Variants in CGNL1 observed in about 807,000 individuals in gnomAD.
CGNL1 encodes cingulin-like protein 1.
CGNL1 carries 132 observed loss-of-function variants against 141.2 expected under a neutral mutation model. The ratio of observed to expected loss-of-function variants is 0.93; its 90% CI spans 0.81 to 1.08. The LOEUF (loss-of-function observed/expected upper bound fraction) is 1.08. Among genes scored for constraint, CGNL1 ranks in the 50% least tolerant of loss-of-function variants. The probability of loss-of-function intolerance (pLI) is 0.00; values close to 1 mark genes in which losing one functional copy is unlikely to be tolerated. For synonymous variants in CGNL1, 690 were observed against 622.1 expected, an observed-to-expected ratio of 1.11 and a Z score of -1.63; for missense variants, 1,870 against 1,588.6, an observed-to-expected ratio of 1.18 and a Z score of -3.01.
At chr15:57,411,793 G>A (rs1016507603) in intron 1 of CGNL1, among the ~76,000 whole-genome samples, 3 of 151,702 alleles carry the variant, frequency 2.0e-5, no homozygotes, top group African/African-American at 7.3e-5. Context: ...TTTTGATGTG[G>A]ATAATTCCAC....
chr15:57,387,562 A>AT (rs1210858962), intron 1 of CGNL1, among the ~76,000 whole-genome samples: 4 of 152,222 alleles, frequency 2.6e-5, no homozygotes, highest in African/African-American at 9.6e-5. Flanking sequence ...AGGAGCACAC[A>AT]TAGGGGCCCT....
Position 57,438,503 on chromosome 15 carries a change from G to T in CGNL1, c.504G>T (p.Gln168His). 6.2e-7 allele frequency: 1 copy of T among 1,614,164 alleles called. No individual in the cohort carries two copies. The highest frequency in any genetic ancestry group is 8.5e-7 in the Non-Finnish European group (1 of 1,180,048). The change falls in exon 2 of 19, where the codon CAG becomes CAT. Residue 168 changes from glutamine (Q) to histidine (H), a missense_variant. Gln to His is a conservative substitution (Grantham distance 24). Transcript: ENST00000281282. Reference sequence around the variant, plus strand: ...ATGAGTTGAATTTACAAAATCACCAGCCTTCTGAGAGTAATTGGCTAAAAA... The same window carrying T: ...ATGAGTTGAATTTACAAAATCACCATCCTTCTGAGAGTAATTGGCTAAAAA... The part of the protein sequence containing the change: ...EKNELNLQNH[Q>H]PSESNWLKTL...
intron 1 of CGNL1, chr15:57,377,039 C>T (rs566486598): frequency 1.3e-5 from 2 of 151,746 alleles, no homozygotes; most frequent in Non-Finnish European, 1.5e-5. Flanking sequence ...TTTCTCTCCC[C>T]GATCCTCCAG....
Position 57,438,393 on chromosome 15 carries a change from C to A in CGNL1, c.394C>A (p.Arg132Ser). 3.7e-6 allele frequency: 6 copies of A among 1,614,152 alleles called. No individual in the cohort carries two copies. The highest frequency in any genetic ancestry group is 4.2e-6 in the Non-Finnish European group (5 of 1,180,020). Residue 132 changes from arginine (R) to serine (S), a missense_variant, in exon 2 of 19, where the codon CGC becomes AGC. Arg to Ser is a moderately radical substitution (Grantham distance 110). Coordinates refer to ENST00000281282, the MANE Select transcript of CGNL1 (RefSeq NM_032866.5). ...TGAGGGCAAGAATGGAGTTCTAGAT[C>A]GCAAAGACGGGTCTGTGAAGCCATC... is the stretch of plus-strand genomic sequence containing the variant. ...LHEGKNGVLDRKDGSVKPSHL... is the reference protein window; with the variant it reads ...LHEGKNGVLDSKDGSVKPSHL...
At chr15:57,466,197 A>T (rs762111256) in intron 8 of CGNL1, among the ~76,000 whole-genome samples, 1 of 152,202 alleles carries the variant, frequency 6.6e-6, no homozygotes, top group East Asian at 1.9e-4. Flanking sequence ...AACTTATTTC[A>T]TAACATGCTT....
chr15:57,439,616 A>T lies in CGNL1; in HGVS notation c.1602+15A>T. On this transcript the variant is annotated intron_variant, in intron 2 of 18. Transcript: ENST00000281282. ...CAAATACTCAGGTAACACTAGTGCGATTCCTGTTTGGTTTTTTTTCTCTTC... is the reference window on the plus strand; with the variant it reads ...CAAATACTCAGGTAACACTAGTGCGTTTCCTGTTTGGTTTTTTTTCTCTTC... The T allele has an allele frequency of 6.2e-7, 1 of 1,603,266 alleles. No homozygotes were observed. Among genetic ancestry groups the T allele is most frequent in the Non-Finnish European group, 8.5e-7 (1 of 1,173,532 alleles).
At chr15:57,435,278 C>T (rs889702986) in intron 1 of CGNL1, among the ~76,000 whole-genome samples, 27 of 152,010 alleles carry the variant, frequency 1.8e-4, no homozygotes, top group African/African-American at 6.5e-4. Context: ...GTAGGTTAGC[C>T]AAGTGAGAGA....
At chr15:57,483,403 T>C (rs11637265) in intron 8 of CGNL1, among the ~76,000 whole-genome samples, 20,932 of 151,988 alleles carry the variant, frequency 0.14, 1,984 homozygotes, top group East Asian at 0.46. Context: ...TTTTTATTTA[T>C]GTTTATTTTA....
At chr15:57,396,061 G>T (rs2062598644) in intron 1 of CGNL1, among the ~76,000 whole-genome samples, 1 of 152,050 alleles carries the variant, frequency 6.6e-6, no homozygotes, top group South Asian at 2.1e-4. Flanking sequence ...TTTTTACTTA[G>T]TATTATGTTT....
intron 6 of CGNL1, among the ~76,000 whole-genome samples, chr15:57,452,557 G>A (rs1056237838): frequency 6.6e-6 from 1 of 152,164 alleles, no homozygotes. Context: ...CTCCTAGCAG[G>A]TAAGTGGGAA....
At chr15:57,444,340 C>T (rs1411410011) in intron 4 of CGNL1, among the ~76,000 whole-genome samples, 1 of 152,034 alleles carries the variant, frequency 6.6e-6, no homozygotes, top group Non-Finnish European at 1.5e-5. Flanking sequence ...TCTTGGTGTA[C>T]ATTTCTGGTT....
intron 1 of CGNL1, among the ~76,000 whole-genome samples, chr15:57,422,752 G>C (rs1041388297): frequency 2.6e-5 from 4 of 152,182 alleles, no homozygotes; most frequent in Non-Finnish European, 5.9e-5. Flanking sequence ...CCTAGTGTCA[G>C]TATTGGCTTT....
intron 12 of CGNL1, among the ~76,000 whole-genome samples, chr15:57,528,062 G>C (rs1229179908): frequency 2.6e-5 from 4 of 152,190 alleles, no homozygotes; most frequent in Non-Finnish European, 5.9e-5. Context: ...TTCGAGACCA[G>C]CCTGGCCACC....
At chr15:57,432,596 C>A (rs946625301) in intron 1 of CGNL1, among the ~76,000 whole-genome samples, 4 of 152,194 alleles carry the variant, frequency 2.6e-5, no homozygotes, top group African/African-American at 9.7e-5. Context: ...ATTATGTAAG[C>A]CTTTGGTTAG....
chr15:57,444,776 G>A (rs1163050538), intron 4 of CGNL1, among the ~76,000 whole-genome samples: 1 of 152,212 alleles, frequency 6.6e-6, no homozygotes, highest in Non-Finnish European at 1.5e-5. Flanking sequence ...GCCAGGATGG[G>A]CTGAGGAAGA....
At chr15:57,473,503 G>T (rs1246000053) in intron 8 of CGNL1, among the ~76,000 whole-genome samples, 1 of 152,156 alleles carries the variant, frequency 6.6e-6, no homozygotes, top group Non-Finnish European at 1.5e-5. Context: ...TGAGCCTTCT[G>T]GGCCTCTTGC....
intron 1 of CGNL1, among the ~76,000 whole-genome samples, chr15:57,399,854 G>A (rs1228209488): frequency 2.0e-5 from 3 of 152,034 alleles, no homozygotes; most frequent in African/African-American, 7.2e-5. Flanking sequence ...CCATCTCCAT[G>A]AAAACTTAGA....
chr15:57,437,419 C>G (rs2063118044), intron 1 of CGNL1, among the ~76,000 whole-genome samples: 1 of 151,658 alleles, frequency 6.6e-6, no homozygotes, highest in South Asian at 2.1e-4. Flanking sequence ...GATTTTGCAG[C>G]AAGATTGTGG....
intron 4 of CGNL1, among the ~76,000 whole-genome samples, chr15:57,442,764 A>G (rs1489220591): frequency 2.0e-5 from 3 of 152,054 alleles, no homozygotes; most frequent in Admixed American, 6.6e-5. Flanking sequence ...AACTACAGGC[A>G]TGTGCCACCA....
Sources: allele counts gnomAD v4.1 joint callset (sites outside exome capture counted in the v4.1 genomes callset), GRCh38; gene constraint gnomAD v4.1.1; transcripts MANE v1.5; gene names NCBI Gene and HGNC (gene_info 2026-07-23, HGNC 2026-07-21).